DNAH14: variants seen among roughly 807,000 people sequenced by gnomAD.
DNAH14 encodes the protein axonemal beta dynein heavy chain 14.
A neutral mutation model predicts 520.9 loss-of-function variants in DNAH14; 478 were observed. That is an observed-to-expected ratio of 0.92 (90% confidence interval 0.85 to 0.99). The LOEUF (loss-of-function observed/expected upper bound fraction) is 0.99, where lower values mean the gene tolerates loss of function less well. DNAH14 is among the 50% of genes least tolerant of loss of function. The pLI is 0.00. For missense variants in DNAH14, 4,831 were observed against 5,234.5 expected (o/e 0.92, Z 2.38); for synonymous variants, 1,581 against 1,757.2 (o/e 0.90, Z 2.51).
At chr1:225,092,428 A>G (rs1573004474) in intron 21 of DNAH14, among the ~76,000 whole-genome samples, 1 of 152,174 alleles carries the variant, frequency 6.6e-6, no homozygotes, top group Admixed American at 6.6e-5. Flanking sequence ...ATCCTGAATG[A>G]CTATTGGGTA....
chr1:225,127,809 A>G (rs1573329927), intron 27 of DNAH14, among the ~76,000 whole-genome samples: 1 of 152,020 alleles, frequency 6.6e-6, no homozygotes, highest in African/African-American at 2.4e-5. Flanking sequence ...AGTCTCGATG[A>G]TCTTTACATT....
At chr1:225,039,353 G>A (rs1452649563) in intron 12 of DNAH14, among the ~76,000 whole-genome samples, 3 of 152,040 alleles carry the variant, frequency 2.0e-5, no homozygotes, top group Non-Finnish European at 1.5e-5. Flanking sequence ...AAAAATGGGA[G>A]AAGCAAAATA....
At chr1:225,125,104 A>G (rs1261883191) in intron 27 of DNAH14, among the ~76,000 whole-genome samples, 1 of 152,228 alleles carries the variant, frequency 6.6e-6, no homozygotes, top group Non-Finnish European at 1.5e-5. Context: ...TGCTGAAAAC[A>G]GATGTGCTGT....
chr1:225,043,685 A>C, intron 13 of DNAH14, 59 bp from the exon 14 acceptor site: 5 of 1,211,776 alleles, frequency 4.1e-6, no homozygotes, highest in Non-Finnish European at 5.8e-6. Flanking sequence ...TTTGTCATTT[A>C]CCTGATATAA....
chr1:225,010,642 A>G (rs1042454419), intron 10 of DNAH14, among the ~76,000 whole-genome samples: 7 of 151,902 alleles, frequency 4.6e-5, no homozygotes, highest in African/African-American at 9.7e-5. Flanking sequence ...CTCCTTTTCT[A>G]TTGTTTGGAA....
At chr1:225,197,702 G>A (rs2086337242) in intron 38 of DNAH14, among the ~76,000 whole-genome samples, 1 of 152,108 alleles carries the variant, frequency 6.6e-6, no homozygotes, top group African/African-American at 2.4e-5. Flanking sequence ...ATTTGTTTGT[G>A]TTGTCTGTGA....
chr1:224,938,873 G>A (rs561119121), intron 1 of DNAH14, among the ~76,000 whole-genome samples: 12 of 152,086 alleles, frequency 7.9e-5, no homozygotes, highest in South Asian at 2.1e-4. Flanking sequence ...GAACCCTGTC[G>A]TTTACGGCAA....
At chr1:225,196,265 TGA>T (rs2149372260) in intron 38 of DNAH14, among the ~76,000 whole-genome samples, 1 of 152,238 alleles carries the variant, frequency 6.6e-6, no homozygotes, top group South Asian at 2.1e-4. Flanking sequence ...TGAGAGCGTA[TGA>T]TGTTTGGTTT....
chr1:225,339,637 C>T (rs546808688), intron 68 of DNAH14, among the ~76,000 whole-genome samples: 1 of 152,276 alleles, frequency 6.6e-6, no homozygotes, highest in South Asian at 2.1e-4. Context: ...ACATGGTCCC[C>T]ATGTTAGGAA....
At chr1:225,315,779 AAGATTGCTGCCTGCTCCTT>A (rs2094455615) in intron 60 of DNAH14, among the ~76,000 whole-genome samples, 1 of 152,188 alleles carries the variant, frequency 6.6e-6, no homozygotes, top group Non-Finnish European at 1.5e-5. Flanking sequence ...CAGAACAGCA[AAGATTGCTGCCTGCTCCTT>A]CCGCTGGAAG....
At chr1:225,225,574 A>G (rs369171581) in intron 41 of DNAH14, among the ~76,000 whole-genome samples, 17 of 152,160 alleles carry the variant, frequency 1.1e-4, no homozygotes, top group African/African-American at 4.1e-4. Flanking sequence ...TGCTCAGAAA[A>G]AAAAGGAGGG....
intron 52 of DNAH14, among the ~76,000 whole-genome samples, chr1:225,275,005 G>A (rs1452500136): frequency 6.6e-6 from 1 of 152,130 alleles, no homozygotes; most frequent in African/African-American, 2.4e-5. Context: ...CTATGATATA[G>A]GTCCTGTTAT....
chr1:225,204,893 T>C (rs145320566), intron 39 of DNAH14, among the ~76,000 whole-genome samples: 1 of 152,284 alleles, frequency 6.6e-6, no homozygotes, highest in African/African-American at 2.4e-5. Flanking sequence ...GTGTGTTATT[T>C]TGGGGAGAGT....
intron 24 of DNAH14, 32 bp downstream of exon 24, chr1:225,117,820 A>G (rs1315072925): frequency 1.3e-6 from 2 of 1,521,090 alleles, no homozygotes; most frequent in Non-Finnish European, 1.8e-6. Context: ...CAGCAATATT[A>G]TATTAGCGAT....
intron 35 of DNAH14, among the ~76,000 whole-genome samples, chr1:225,166,601 A>G (rs1035344030): frequency 3.9e-5 from 6 of 152,214 alleles, no homozygotes; most frequent in Non-Finnish European, 8.8e-5. Flanking sequence ...TTATTTAAAA[A>G]TATTCTGTAG....
At chr1:225,278,790 T>A (rs2093556010) in intron 54 of DNAH14, among the ~76,000 whole-genome samples, 1 of 152,188 alleles carries the variant, frequency 6.6e-6, no homozygotes. Flanking sequence ...TATTGCTCAA[T>A]TCTAAAATGC....
intron 11 of DNAH14, among the ~76,000 whole-genome samples, chr1:225,025,112 T>C (rs999605394): frequency 2.6e-5 from 4 of 151,814 alleles, no homozygotes; most frequent in African/African-American, 9.7e-5. Context: ...CCAATGAGGA[T>C]GTATTACTTG....
At chr1:225,212,506 G>C (rs2088597751) in intron 41 of DNAH14, among the ~76,000 whole-genome samples, 1 of 152,128 alleles carries the variant, frequency 6.6e-6, no homozygotes, top group African/African-American at 2.4e-5. Context: ...GATTGAACTA[G>C]TTTACAGTCC....
intron 1 of DNAH14, among the ~76,000 whole-genome samples, chr1:224,942,843 A>G (rs1258987409): frequency 3.3e-5 from 5 of 152,174 alleles, no homozygotes; most frequent in Non-Finnish European, 7.4e-5. Flanking sequence ...CTTGCATCCC[A>G]GGGATGAAGC....
Sources: allele counts gnomAD v4.1 joint callset (sites outside exome capture counted in the v4.1 genomes callset), GRCh38; gene constraint gnomAD v4.1.1; transcripts MANE v1.5; gene names NCBI Gene and HGNC (gene_info 2026-07-23, HGNC 2026-07-21).